CCNI: variants seen among roughly 807,000 people sequenced by gnomAD.
CCNI encodes cyclin-I.
In CCNI, 14 loss-of-function variants were observed where a neutral mutation model predicts 34.1. The ratio of observed to expected loss-of-function variants is 0.41; its 90% CI spans 0.27 to 0.64. The LOEUF is 0.64. CCNI is among the 30% of genes least tolerant of loss of function. The pLI is 0.31. For synonymous variants in CCNI, 154 were observed against 158.4 expected, an observed-to-expected ratio of 0.97 and a Z score of 0.21; for missense variants, 385 against 440.5, an observed-to-expected ratio of 0.87 and a Z score of 1.13.
chr4:77,069,617 G>A (rs1729311954), intron 1 of CCNI, among the ~76,000 whole-genome samples: 2 of 118,944 alleles, frequency 1.7e-5, no homozygotes, highest in South Asian at 2.7e-4. Flanking sequence ...AGGCCCCGGT[G>A]TGTGATGTTC....
chr4:77,056,675 C>T lies in CCNI; in HGVS notation c.244-352G>A, dbSNP rs578156779. Among the ~76,000 whole-genome samples, 8 of 150,886 alleles carry T rather than the reference C, an allele frequency of 5.3e-5. No homozygotes were observed. In the East Asian group the frequency reaches 9.7e-4, roughly 18 times the overall value. On this transcript the variant is annotated intron_variant, in intron 3 of 6. Transcript: ENST00000237654. ...CACGATGTCAGCTCAGTGCAAGCTC[C>T]GCCTCCTGGGTTCATGCCATTCTCC...
intron 2 of CCNI, among the ~76,000 whole-genome samples, chr4:77,061,859 C>T (rs770430608): frequency 6.6e-6 from 1 of 152,022 alleles, no homozygotes; most frequent in African/African-American, 2.4e-5. Flanking sequence ...TTAGTAGAGA[C>T]GGGGTTTCAC....
At chr4:77,054,714 G>A (rs1488261050) in intron 6 of CCNI, among the ~76,000 whole-genome samples, 3 of 152,136 alleles carry the variant, frequency 2.0e-5, no homozygotes, top group Non-Finnish European at 2.9e-5. Flanking sequence ...CTGCCAGTTT[G>A]GTATAAATAC....
At chr4:77,051,934 G>A (rs933017865) in intron 6 of CCNI, among the ~76,000 whole-genome samples, 1 of 151,352 alleles carries the variant, frequency 6.6e-6, no homozygotes, top group Non-Finnish European at 1.5e-5. Context: ...GGAGACTGGT[G>A]GGGAGGGGTC....
chr4:77,065,311 C>T (rs1728952204), intron 2 of CCNI, among the ~76,000 whole-genome samples: 1 of 152,104 alleles, frequency 6.6e-6, no homozygotes, highest in Non-Finnish European at 1.5e-5. Flanking sequence ...AACATTTGAC[C>T]ACTATTCTAT....
At chr4:77,060,369 CA>C (rs1274581137) in intron 2 of CCNI, among the ~76,000 whole-genome samples, 2 of 152,158 alleles carry the variant, frequency 1.3e-5, no homozygotes, top group East Asian at 3.8e-4. Context: ...GTCAGAAAAA[CA>C]AATTTACAAA....
At chr4:77,050,552 AT>A (rs1175547574) in intron 6 of CCNI, among the ~76,000 whole-genome samples, 2 of 152,212 alleles carry the variant, frequency 1.3e-5, no homozygotes, top group East Asian at 3.8e-4. Flanking sequence ...AAAATGGCAG[AT>A]TTTAGCATCT....
intron 6 of CCNI, among the ~76,000 whole-genome samples, chr4:77,052,964 T>C (rs1727966778): frequency 6.6e-6 from 1 of 152,212 alleles, no homozygotes; most frequent in Non-Finnish European, 1.5e-5. Flanking sequence ...ACTGCAATTA[T>C]ATACTACATG....
chr4:77,058,366 T>A, intron 3 of CCNI, 141 bp downstream of exon 3: 1 of 523,438 alleles, frequency 1.9e-6, no homozygotes, highest in Non-Finnish European at 3.3e-6. Context: ...GACATCACCA[T>A]GTCTTCTTAT....
chr4:77,060,967 C>T (rs1728563040), intron 2 of CCNI, among the ~76,000 whole-genome samples: 2 of 152,210 alleles, frequency 1.3e-5, no homozygotes, highest in South Asian at 2.1e-4. Flanking sequence ...CTATGTTACC[C>T]AGGCTGGTCT....
chr4:77,066,109 G>GA, intron 2 of CCNI, 140 bp downstream of exon 2: 5 of 685,836 alleles, frequency 7.3e-6, no homozygotes, highest in Non-Finnish European at 1.2e-5. Flanking sequence ...ACACAAAAAA[G>GA]AAACAGGGAG....
At chr4:77,057,844 G>A (rs771694070) in intron 3 of CCNI, among the ~76,000 whole-genome samples, 2 of 152,180 alleles carry the variant, frequency 1.3e-5, no homozygotes, top group Admixed American at 1.3e-4. Context: ...AGAGAAAAAC[G>A]TGCAATAGGC....
chr4:77,061,815 A>G (rs1310838069), intron 2 of CCNI, among the ~76,000 whole-genome samples: 1 of 151,982 alleles, frequency 6.6e-6, no homozygotes, highest in Non-Finnish European at 1.5e-5. Context: ...GACTACAGGC[A>G]CCCGCCACCA....
intron 2 of CCNI, among the ~76,000 whole-genome samples, chr4:77,063,258 G>C (rs745625231): frequency 1.4e-5 from 2 of 139,020 alleles, no homozygotes; most frequent in African/African-American, 2.7e-5. Context: ...AGGCATAAGA[G>C]AAAGCTTAAA....
Position 77,048,293 on chromosome 4 carries a change from A to G in CCNI, c.1060T>C (p.Cys354Arg), listed in dbSNP as rs1803359. Reference sequence around the variant, plus strand: ...TCTTGTCTTGATAAATCAGTGCCACACACAGAACCCACATTTTCTGAGACA... The same window carrying G: ...TCTTGTCTTGATAAATCAGTGCCACGCACAGAACCCACATTTTCTGAGACA... Reference protein sequence around the residue: ...DNVSENVGSVCGTDLSRQEGH... With the variant: ...DNVSENVGSVRGTDLSRQEGH... The change falls in exon 7 of 7, where the codon TGT becomes CGT. Residue 354 changes from cysteine (C) to arginine (R), a missense_variant. Physicochemically the swap from Cys to Arg is radical, Grantham distance 180. This residue lies in a region of CCNI where 250 missense variants were observed against 248.7 expected (regional missense o/e 1.01). Transcript: ENST00000237654. 6.2e-7 allele frequency: 1 copy of G among 1,614,192 alleles called. No homozygotes were observed. The highest frequency in any genetic ancestry group is 1.1e-5 in the South Asian group (1 of 91,088).
intron 1 of CCNI, among the ~76,000 whole-genome samples, chr4:77,070,343 C>T (rs528262197): frequency 1.4e-4 from 21 of 149,078 alleles, no homozygotes; most frequent in African/African-American, 5.3e-4. Context: ...TTTTTGAAGA[C>T]CACACCTCGG....
At chr4:77,052,667 A>G (rs1169076932) in intron 6 of CCNI, among the ~76,000 whole-genome samples, 1 of 152,124 alleles carries the variant, frequency 6.6e-6, no homozygotes, top group East Asian at 1.9e-4. Flanking sequence ...TGTCGCAAAT[A>G]ATTTTGGCAT....
chr4:77,056,046 A>C lies in CCNI; in HGVS notation c.375T>G (p.Ser125=). 3 of 1,613,610 alleles carry C rather than the reference A, an allele frequency of 1.9e-6. No homozygotes were observed. Among genetic ancestry groups the C allele is most frequent in the African/African-American group, 1.3e-5 (1 of 75,060 alleles). The change falls in exon 5 of 7, where the codon TCT becomes TCG. Residue 125 remains serine, a synonymous_variant. Coordinates refer to ENST00000237654, the MANE Select transcript of CCNI (RefSeq NM_006835.3). ...TAATTCTCTCCATTCTCAAAATTTC[A>C]GATGAGGAACATCCACAGAAACTGT... The part of the protein sequence containing the change: ...ARDSFCGCSS[S]EILRMERIIL...
intron 6 of CCNI, among the ~76,000 whole-genome samples, chr4:77,053,768 G>C (rs1728030109): frequency 6.6e-6 from 1 of 152,174 alleles, no homozygotes; most frequent in African/African-American, 2.4e-5. Context: ...AGTCTAATGT[G>C]AGTGATTAAT....
Sources: allele counts gnomAD v4.1 joint callset (sites outside exome capture counted in the v4.1 genomes callset), GRCh38; gene constraint gnomAD v4.1.1; regional missense constraint gnomAD v4.1.1; transcripts MANE v1.5; gene names NCBI Gene and HGNC (gene_info 2026-07-23, HGNC 2026-07-21).